NFYC: variants seen among roughly 807,000 people sequenced by gnomAD.
The protein encoded by NFYC is nuclear transcription factor Y subunit gamma, also known as CAAT box DNA-binding protein subunit C.
Under a neutral mutation model 53.1 loss-of-function variants are expected in NFYC, and 25 were observed. The observed-to-expected ratio is 0.47, with a 90% CI of 0.34 to 0.66. The LOEUF is 0.66. Ranked by LOEUF, NFYC falls within the 30% of genes least tolerant of loss-of-function variation. The pLI, the probability that NFYC is intolerant of heterozygous loss-of-function variation, is 0.01. For missense variants in NFYC, 260 were observed against 422.7 expected, an observed-to-expected ratio of 0.62 and a Z score of 3.38; for synonymous variants, 145 against 152.6, an observed-to-expected ratio of 0.95 and a Z score of 0.37.
chr1:40,753,938 T>C (rs1001995007), intron 5 of NFYC, among the ~76,000 whole-genome samples: 1 of 152,122 alleles, frequency 6.6e-6, no homozygotes, highest in African/African-American at 2.4e-5. Context: ...GTCACACTAG[T>C]TGTTTTTTCA....
rs999527190 is a variant in NFYC, at chr1:40,769,115, G to A, written c.829-241G>A. ...GGAGTAGGCATTCATTAGAGAGATG[G>A]GTGTGGGAACTATCTATTATGTGCT... On this transcript the variant is annotated intron_variant, in intron 8 of 9. Transcript: ENST00000447388. The A allele has an allele frequency of 3.2e-5, 15 of 474,042 alleles. No individual in the cohort carries two copies. In the Admixed American group the frequency reaches 5.2e-4, roughly 16 times the overall value. The allele number at this position is 474,042 out of a possible 1,614,324, so 29.4% of individuals were successfully genotyped here.
At chr1:40,707,825 C>T (rs911564488) in intron 1 of NFYC, among the ~76,000 whole-genome samples, 31 of 141,660 alleles carry the variant, frequency 2.2e-4, no homozygotes, top group African/African-American at 7.2e-4. Flanking sequence ...ACCCCAGCTT[C>T]GGTGACAGAG....
intron 2 of NFYC, among the ~76,000 whole-genome samples, chr1:40,739,617 C>G (rs138129758): frequency 6.9e-4 from 105 of 152,284 alleles, no homozygotes; most frequent in African/African-American, 2.3e-3. Flanking sequence ...TTGAGAACTA[C>G]TGACTCAGAA....
At chr1:40,758,565 GAA>G in intron 6 of NFYC, 1 of 329,770 alleles carries the variant, frequency 3.0e-6, no homozygotes, top group Non-Finnish European at 5.5e-6. Context: ...TTTTAGAAGG[GAA>G]AAAAAAATGT....
In NFYC at chr1:40,740,073, TC is replaced by T. The variant is rs532755682; in HGVS notation, c.105+1127del. Among the ~76,000 whole-genome samples the T allele has an allele frequency of 2.0e-4, 30 of 152,278 alleles. No individual in the cohort carries two copies. The South Asian group carries it at 4.8e-3, about 24-fold the overall frequency. On this transcript the variant is annotated intron_variant, in intron 2 of 9. Coordinates refer to ENST00000447388, the MANE Select transcript of NFYC (RefSeq NM_014223.5). ...ATATTTTCATAATACAGTTGTCATG[TC>T]CTTAATGAAGAATGTTCATTAAGGT...
intron 5 of NFYC, among the ~76,000 whole-genome samples, chr1:40,756,846 A>AAG (rs753016132): frequency 2.6e-5 from 4 of 152,224 alleles, no homozygotes; most frequent in Non-Finnish European, 4.4e-5. Context: ...AGCAGAGAGC[A>AAG]AGAGAGAGCT....
chr1:40,746,359 A>G (rs1382991086), intron 2 of NFYC, among the ~76,000 whole-genome samples: 1 of 152,232 alleles, frequency 6.6e-6, no homozygotes, highest in Non-Finnish European at 1.5e-5. Flanking sequence ...TCTTCTTTCT[A>G]TAATCATAAA....
intron 1 of NFYC, among the ~76,000 whole-genome samples, chr1:40,719,957 A>T (rs1644271801): frequency 6.6e-6 from 1 of 152,256 alleles, no homozygotes; most frequent in Non-Finnish European, 1.5e-5. Flanking sequence ...CACATAAAAT[A>T]ACATGAAACT....
chr1:40,741,715 G>A (rs1189872388), intron 2 of NFYC, among the ~76,000 whole-genome samples: 1 of 149,964 alleles, frequency 6.7e-6, no homozygotes, highest in Non-Finnish European at 1.5e-5. Context: ...CGATCCTCCC[G>A]CCTCAGCCTC....
intron 1 of NFYC, among the ~76,000 whole-genome samples, chr1:40,699,818 A>C (rs1643343818): frequency 6.6e-6 from 1 of 152,188 alleles, no homozygotes; most frequent in African/African-American, 2.4e-5. Context: ...AGTGCTAATC[A>C]GTGTCCTTTG....
intron 1 of NFYC, among the ~76,000 whole-genome samples, chr1:40,714,961 TC>T (rs1296843796): frequency 6.6e-6 from 1 of 151,974 alleles, no homozygotes; most frequent in Non-Finnish European, 1.5e-5. Flanking sequence ...GCGCCTGTAG[TC>T]CCAGCTACTC....
rs189929543 is a variant in NFYC, at chr1:40,770,578, C to T, written c.889-131C>T. 29 of 1,608,860 alleles carry T rather than the reference C, an allele frequency of 1.8e-5. No individual in the cohort carries two copies. The East Asian group carries it at 4.3e-4, about 24-fold the overall frequency. ...CAACCCCAGCAGAGCTCCACTTCCC[C>T]TCCTCCTTCTGACGCCTTGCAGTGG... On this transcript the variant is annotated intron_variant, in intron 9 of 9. Transcript: ENST00000447388. This position sits in a 1 kb window ranked among gnomAD's most constrained non-coding sequence, Gnocchi z 5.3.
intron 5 of NFYC, among the ~76,000 whole-genome samples, chr1:40,754,149 A>G (rs935865930): frequency 2.0e-5 from 3 of 152,052 alleles, no homozygotes; most frequent in Non-Finnish European, 4.4e-5. Flanking sequence ...ATTTCATAGT[A>G]TATTATCCTT....
At chr1:40,695,060 C>T (rs558944943) in intron 1 of NFYC, among the ~76,000 whole-genome samples, 28 of 152,136 alleles carry the variant, frequency 1.8e-4, no homozygotes, top group African/African-American at 1.2e-4. Context: ...AGACCAGCCT[C>T]GCACACATGA....
In NFYC at chr1:40,691,867, G is replaced by A; in HGVS notation, c.-9G>A. Reference sequence around the variant, plus strand: ...TGCTCTTCCTGGACTCCTGAGCAGAGGTGTGTGAGTGTGCGGGAGTTTCTG... The same window carrying A: ...TGCTCTTCCTGGACTCCTGAGCAGAAGTGTGTGAGTGTGCGGGAGTTTCTG... On this transcript the variant is annotated splice_region_variant and 5_prime_UTR_variant, in exon 1 of 10. Coordinates refer to ENST00000447388, the MANE Select transcript of NFYC (RefSeq NM_014223.5). 1 of 405,962 alleles carries A rather than the reference G, an allele frequency of 2.5e-6. No individual in the cohort carries two copies. Among genetic ancestry groups the A allele is most frequent in the South Asian group, 1.7e-5 (1 of 60,198 alleles). 25.1% of individuals were successfully genotyped at this position (405,962 alleles called of 1,614,324 possible). A position where few individuals can be genotyped will look rare whatever the true frequency, so the allele number is the denominator to read the frequency against.
At chr1:40,740,468 T>A (rs1218377672) in intron 2 of NFYC, among the ~76,000 whole-genome samples, 1 of 152,212 alleles carries the variant, frequency 6.6e-6, no homozygotes, top group African/African-American at 2.4e-5. Context: ...TAAAAAGTAA[T>A]TCATGTTTTG....
chr1:40,697,585 GAAC>G (rs947183314), intron 1 of NFYC, among the ~76,000 whole-genome samples: 3 of 152,308 alleles, frequency 2.0e-5, no homozygotes, highest in Non-Finnish European at 4.4e-5. Flanking sequence ...ATTAAATTCG[GAAC>G]AACTGGTGTT....
At chr1:40,751,851 A>G (rs1220348071) in intron 4 of NFYC, among the ~76,000 whole-genome samples, 2 of 152,260 alleles carry the variant, frequency 1.3e-5, no homozygotes, top group East Asian at 1.9e-4. Context: ...ATGTGACACT[A>G]TATTGTAGTC....
At chr1:40,734,114 G>A (rs952907828) in intron 1 of NFYC, among the ~76,000 whole-genome samples, 11 of 152,018 alleles carry the variant, frequency 7.2e-5, no homozygotes, top group African/African-American at 2.7e-4. Flanking sequence ...CTACTGGCCT[G>A]AAGTGATTCT....
Sources: allele counts gnomAD v4.1 joint callset (sites outside exome capture counted in the v4.1 genomes callset), GRCh38; gene constraint gnomAD v4.1.1; non-coding constraint Gnocchi (gnomAD v3.1); transcripts MANE v1.5; gene names NCBI Gene and HGNC (gene_info 2026-07-23, HGNC 2026-07-21).